FBF1: variants seen among roughly 807,000 people sequenced by gnomAD.
FBF1 encodes fas-binding factor 1.
In FBF1, 119 loss-of-function variants were observed where a neutral mutation model predicts 147.2. The ratio of observed to expected loss-of-function variants is 0.81; its 90% CI spans 0.70 to 0.94. The LOEUF is 0.94. Ranked by LOEUF, FBF1 falls within the 40% of genes least tolerant of loss-of-function variation. The pLI is 0.00. For missense variants in FBF1, 1,449 were observed against 1,500.8 expected (o/e 0.97, Z 0.57); for synonymous variants, 601 against 609.0 (o/e 0.99, Z 0.19).
intron 1 of FBF1, among the ~76,000 whole-genome samples, chr17:75,939,317 A>AAC (rs375216079): frequency 0.037 from 5,226 of 140,296 alleles, 174 homozygotes; most frequent in African/African-American, 0.094. Context: ...AAAAAAAAAA[A>AAC]CGTGCTCTGG....
chr17:75,925,281 C>A lies in FBF1; in HGVS notation c.968+66G>T. The A allele has an allele frequency of 7.8e-7, 1 of 1,274,930 alleles. No homozygotes were observed. The highest frequency in any genetic ancestry group is 1.1e-6 in the Non-Finnish European group (1 of 901,174). The allele number at this position is 1,274,930 out of a possible 1,614,324, so 79.0% of individuals were successfully genotyped here. On this transcript the variant is annotated intron_variant, in intron 13 of 29. Coordinates refer to ENST00000636174, the MANE Select transcript of FBF1 (RefSeq NM_001319193.2). The surrounding 1 kb of genome is among the most constrained non-coding windows in gnomAD (Gnocchi z 5.0). Reference sequence around the variant, plus strand: ...TCTCGGGTGGGACAGGGGACAGCTGCAGGGGCCTGTCTTCCCAGTGGCCGA... The same window carrying A: ...TCTCGGGTGGGACAGGGGACAGCTGAAGGGGCCTGTCTTCCCAGTGGCCGA...
rs954558711 is a variant in FBF1, at chr17:75,922,110, G to T, written c.1425-64C>A. On this transcript the variant is annotated intron_variant, in intron 14 of 29. Transcript: ENST00000636174. This position sits in a 1 kb window ranked among gnomAD's most constrained non-coding sequence, Gnocchi z 5.0. ...GCCCAGGTCAGGCTGGATGAAGACA[G>T]GGCCCAGGACGGGCTTCACACGTGA... is the stretch of plus-strand genomic sequence containing the variant. 7.0e-6 allele frequency: 10 copies of T among 1,431,724 alleles called. No individual in the cohort carries two copies. Among genetic ancestry groups the T allele is most frequent in the Non-Finnish European group, 8.6e-6 (9 of 1,041,722 alleles). 88.7% of individuals were successfully genotyped at this position (1,431,724 alleles called of 1,614,324 possible).
chr17:75,923,673 G>C lies in FBF1; in HGVS notation c.969-32C>G. The C allele has an allele frequency of 6.5e-7, 1 of 1,538,402 alleles. No individual in the cohort carries two copies. The highest frequency in any genetic ancestry group is 8.8e-7 in the Non-Finnish European group (1 of 1,140,056). On this transcript the variant is annotated intron_variant, in intron 13 of 29. Transcript: ENST00000636174. This position sits in a 1 kb window ranked among gnomAD's most constrained non-coding sequence, Gnocchi z 4.1. ...GACAGAAAGGAGGGTGTCAGGCAGGGGAAACAGCCAGTCCCAGTGGCCCCC... is the reference window on the plus strand; with the variant it reads ...GACAGAAAGGAGGGTGTCAGGCAGGCGAAACAGCCAGTCCCAGTGGCCCCC...
Position 75,922,080 on chromosome 17 carries a change from A to G in FBF1, c.1425-34T>C, listed in dbSNP as rs1238059053. 6.5e-7 allele frequency: 1 copy of G among 1,536,018 alleles called. No homozygotes were observed. Among genetic ancestry groups the G allele is most frequent in the South Asian group, 1.2e-5 (1 of 83,710 alleles). On this transcript the variant is annotated intron_variant, in intron 14 of 29. Transcript: ENST00000636174. The surrounding 1 kb of genome is among the most constrained non-coding windows in gnomAD (Gnocchi z 5.0). ...AGGCAGCGTTCAAGGTGAAGGTGAC[A>G]GAAGGCCCAGGTCAGGCTGGATGAA...
At chr17:75,921,642 G>C in intron 15 of FBF1, 82 bp from the exon 16 acceptor site, 1 of 540,108 alleles carries the variant, frequency 1.9e-6, no homozygotes, top group Non-Finnish European at 3.2e-6. Context: ...CTCTAGGTGG[G>C]ACATGGGGAC....
chr17:75,921,333 G>A (rs1479974843), intron 16 of FBF1, 31 bp from the exon 17 acceptor site: 1 of 1,573,708 alleles, frequency 6.4e-7, no homozygotes, highest in Non-Finnish European at 8.6e-7. Flanking sequence ...AAATGAACAG[G>A]AGGCCCAGGG....
intron 5 of FBF1, among the ~76,000 whole-genome samples, chr17:75,931,709 G>A (rs1160978808): frequency 1.3e-5 from 2 of 152,004 alleles, no homozygotes; most frequent in African/African-American, 4.8e-5. Context: ...ACTTGAACCG[G>A]GAGGTGGAGG....
chr17:75,914,134 C>T lies in FBF1; in HGVS notation c.2979G>A (p.Glu993=), dbSNP rs768786129. 1 of 1,601,424 alleles carries T rather than the reference C, an allele frequency of 6.2e-7. No homozygotes were observed. Among genetic ancestry groups the T allele is most frequent in the South Asian group, 1.1e-5 (1 of 88,996 alleles). Reference sequence around the variant, plus strand: ...GCCCGAGCAGCACCTTGCTCATGCTCTCCACCTCCTCGGCGCGGAGCTTGA... The same window carrying T: ...GCCCGAGCAGCACCTTGCTCATGCTTTCCACCTCCTCGGCGCGGAGCTTGA... ...LRVKLRAEEV[E]SMSKVASEKY... Residue 993 remains glutamate (E), a synonymous_variant, in exon 26 of 30, where the codon GAG becomes GAA. Coordinates refer to ENST00000636174, the MANE Select transcript of FBF1 (RefSeq NM_001319193.2).
In FBF1 at chr17:75,940,868, T is replaced by A. The variant is rs1220653102; in HGVS notation, c.-104A>T. ...GTCACCCTTCTGAGCGCCCGGCCTA[T>A]CTGGCCCCGGAGCGCAGCCTGTAAC... On this transcript the variant is annotated 5_prime_UTR_variant, in exon 1 of 30. Transcript: ENST00000636174. 6.5e-6 allele frequency: 1 copy of A among 153,792 alleles called. No individual in the cohort carries two copies. The highest frequency in any genetic ancestry group is 1.5e-5 in the Non-Finnish European group (1 of 68,156). The allele number at this position is 153,792 out of a possible 1,614,324, so 9.5% of individuals were successfully genotyped here.
At chr17:75,927,380 G>C in intron 9 of FBF1, 75 bp downstream of exon 9, 1 of 1,322,148 alleles carries the variant, frequency 7.6e-7, no homozygotes, top group Non-Finnish European at 1.1e-6. Context: ...GCTGGGCCTC[G>C]GGCCAGCAAG....
chr17:75,926,380 T>C lies in FBF1; in HGVS notation c.642A>G (p.Lys214=), dbSNP rs754031423. Residue 214 remains lysine (K), a synonymous_variant, in exon 11 of 30, where the codon AAA becomes AAG. Coordinates refer to ENST00000636174, the MANE Select transcript of FBF1 (RefSeq NM_001319193.2). ...CCCCATCATCAAACAACAATTCTTC[T>C]TTTTTTCGGATGGGGGTGTCCCCAG... The part of the protein sequence containing the change: ...LTPGDTPIRK[K]EELLFDDGDD... 6.2e-7 allele frequency: 1 copy of C among 1,605,506 alleles called. No individual in the cohort carries two copies. Among genetic ancestry groups the C allele is most frequent in the Non-Finnish European group, 8.5e-7 (1 of 1,175,934 alleles).
In FBF1 at chr17:75,914,392, T is replaced by C. The variant is rs910192460; in HGVS notation, c.2815-94A>G. On this transcript the variant is annotated intron_variant, in intron 25 of 29. Coordinates refer to ENST00000636174, the MANE Select transcript of FBF1 (RefSeq NM_001319193.2). ...GGGTCCCCTCTGCCCACCCTGCCCC[T>C]GGGAGGAGGTGGTGGAGCCAGGGGC... The C allele has an allele frequency of 2.7e-6, 4 of 1,466,274 alleles. No individual in the cohort carries two copies. The African/African-American group carries it at 5.7e-5, about 21-fold the overall frequency. 90.8% of individuals were successfully genotyped at this position (1,466,274 alleles called of 1,614,324 possible). A position where few individuals can be genotyped will look rare whatever the true frequency, so the allele number is the denominator to read the frequency against.
rs773976445 is a variant in FBF1 at position 75,914,931 on chromosome 17, C to T, written c.2630G>A (p.Ser877Asn). The T allele has an allele frequency of 6.8e-6, 11 of 1,611,586 alleles. No homozygotes were observed. The highest frequency in any genetic ancestry group is 9.3e-6 in the Non-Finnish European group (11 of 1,178,842). Residue 877 changes from serine to asparagine, a missense_variant and splice_region_variant, in exon 25 of 30, where the codon AGC (serine) becomes AAC (asparagine). Coordinates refer to ENST00000636174, the MANE Select transcript of FBF1 (RefSeq NM_001319193.2). ...MERAELERAK[S>N]ALLEEQKSVM... is the part of the protein sequence containing the mutation. ...AGACTTCTGCTCCTCCAGCAAGGCGCTCTGGGATGTGGGGGTGAAGGCACG... is the reference window on the plus strand; with the variant it reads ...AGACTTCTGCTCCTCCAGCAAGGCGTTCTGGGATGTGGGGGTGAAGGCACG...
intron 4 of FBF1, among the ~76,000 whole-genome samples, chr17:75,933,397 G>A (rs1276227784): frequency 2.0e-5 from 3 of 152,142 alleles, no homozygotes; most frequent in Non-Finnish European, 4.4e-5. Context: ...ACTGTAGGCT[G>A]GAATACATGG....
In FBF1 at chr17:75,914,020, G is replaced by C. The variant is rs747652849; in HGVS notation, c.3022C>G (p.Arg1008Gly). 1.3e-6 allele frequency: 2 copies of C among 1,585,152 alleles called. No homozygotes were observed. Among genetic ancestry groups the C allele is most frequent in the East Asian group, 4.5e-5 (2 of 44,062 alleles). Residue 1008 changes from arginine (R) to glycine (G), a missense_variant, in exon 27 of 30, where the codon CGG (arginine) becomes GGG (glycine). By Grantham distance (125) the Arg-to-Gly change is moderately radical (BLOSUM62 -2). Transcript: ENST00000636174. ...ACCTGCTGGGCCTCGCGCAATGCCCGCTCCCCCTCCTCGTACTTCTCGGAG... is the reference window on the plus strand; with the variant it reads ...ACCTGCTGGGCCTCGCGCAATGCCCCCTCCCCCTCCTCGTACTTCTCGGAG... The part of the protein sequence containing the change: ...VASEKYEEGE[R>G]ALREAQQVQA...
Position 75,925,112 on chromosome 17 carries a change from G to A in FBF1, c.968+235C>T, listed in dbSNP as rs1028317489. 6.6e-6 allele frequency among the ~76,000 whole-genome samples: 1 copy of A among 152,186 alleles called. No homozygotes were observed. The highest frequency in any genetic ancestry group is 2.1e-4 in the South Asian group (1 of 4,830). ...TTCTGAGGCTGGGTGGGGCACTGGC[G>A]AACCTGAGCAGCGTCTGGGATGGGG... On this transcript the variant is annotated intron_variant, in intron 13 of 29. Coordinates refer to ENST00000636174, the MANE Select transcript of FBF1 (RefSeq NM_001319193.2). The surrounding 1 kb of genome is among the most constrained non-coding windows in gnomAD (Gnocchi z 5.0).
Position 75,920,309 on chromosome 17 carries a change from G to A in FBF1, c.1795C>T (p.His599Tyr), listed in dbSNP as rs374104909. The change falls in exon 18 of 30, where the codon CAT (histidine) becomes TAT (tyrosine). Residue 599 changes from histidine to tyrosine, a missense_variant. His to Tyr is a moderately conservative substitution (Grantham distance 83). Coordinates refer to ENST00000636174, the MANE Select transcript of FBF1 (RefSeq NM_001319193.2). The part of the protein sequence containing the change: ...SPAELQAELL[H>Y]SQARLAELEA... ...AGCTCTGCCAGCCGGGCCTGGCTATGCAGCAGCTCGGCCTGGAGCTCAGCG... is the reference window on the plus strand; with the variant it reads ...AGCTCTGCCAGCCGGGCCTGGCTATACAGCAGCTCGGCCTGGAGCTCAGCG... 59 of 1,611,282 alleles carry A rather than the reference G, an allele frequency of 3.7e-5. No individual in the cohort carries two copies. The African/African-American group carries it at 6.4e-4, about 17-fold the overall frequency.
rs1308979937 is a variant in FBF1 at position 75,918,025 on chromosome 17, G to C, written c.2292C>G (p.Ser764Arg). The C allele has an allele frequency of 1.9e-6, 3 of 1,612,276 alleles. No individual in the cohort carries two copies. Among genetic ancestry groups the C allele is most frequent in the Admixed American group, 1.7e-5 (1 of 59,908 alleles). ...IIHQMEKFSSSLHELSSRVEA... is the reference protein window; with the variant it reads ...IIHQMEKFSSRLHELSSRVEA... ...CCACGCGGGAGGACAACTCGTGCAG[G>C]CTGCTGGAGAACTTCTCCATCTGGT... Residue 764 changes from serine (S) to arginine (R), a missense_variant, in exon 22 of 30, where the codon AGC becomes AGG. Coordinates refer to ENST00000636174, the MANE Select transcript of FBF1 (RefSeq NM_001319193.2). This position sits in a 1 kb window ranked among gnomAD's most constrained non-coding sequence, Gnocchi z 5.8.
intron 23 of FBF1, among the ~76,000 whole-genome samples, chr17:75,916,007 CAAA>C (rs35055735): frequency 1.5e-3 from 97 of 65,468 alleles, no homozygotes; most frequent in Middle Eastern, 0.01. Context: ...GACTCTGACT[CAAA>C]AAAAAAAAAA....
Sources: gnomAD v4.1 joint callset for allele counts (sites outside exome capture counted in the v4.1 genomes callset) on GRCh38, gnomAD v4.1.1 for gene constraint, Gnocchi (gnomAD v3.1) non-coding constraint, MANE v1.5 for transcripts, NCBI Gene and HGNC (gene_info 2026-07-23, HGNC 2026-07-21) for gene names.